SBF2: variants seen among roughly 807,000 people sequenced by gnomAD.
SBF2 encodes the protein SET binding factor 2.
In SBF2, 112 loss-of-function variants were observed where a neutral mutation model predicts 225.2. The ratio of observed to expected loss-of-function variants is 0.50; its 90% CI spans 0.43 to 0.58. SBF2 has a LOEUF of 0.58. Among genes scored for constraint, SBF2 ranks in the 20% least tolerant of loss-of-function variants. SBF2 has a pLI of 0.00. For synonymous variants in SBF2, 763 were observed against 773.3 expected (o/e 0.99, Z 0.22); for missense variants, 1,996 against 2,206.2 (o/e 0.90, Z 1.91).
intron 16 of SBF2, among the ~76,000 whole-genome samples, chr11:9,936,200 G>C (rs569563651): frequency 6.6e-6 from 1 of 152,272 alleles, no homozygotes; most frequent in Admixed American, 6.5e-5. Flanking sequence ...ACTTATGAAA[G>C]AATGCTCATC....
intron 17 of SBF2, among the ~76,000 whole-genome samples, chr11:9,877,578 G>A (rs1859367649): frequency 1.3e-5 from 2 of 151,936 alleles, no homozygotes; most frequent in South Asian, 4.2e-4. Context: ...CCCAGTGTGT[G>A]ACGTTCCCTG....
intron 12 of SBF2, among the ~76,000 whole-genome samples, chr11:9,990,127 C>A (rs1947359449): frequency 6.6e-6 from 1 of 151,694 alleles, no homozygotes; most frequent in Non-Finnish European, 1.5e-5. Flanking sequence ...ACTGGGAGAA[C>A]TGTGTGAGTC....
intron 28 of SBF2, chr11:9,828,599 T>C: frequency 1.0e-6 from 1 of 985,360 alleles, no homozygotes; most frequent in Non-Finnish European, 1.2e-6. Context: ...GGGTTACCTC[T>C]ACATGAACCC....
At chr11:9,936,460 C>A (rs1462009466) in intron 16 of SBF2, among the ~76,000 whole-genome samples, 1 of 152,144 alleles carries the variant, frequency 6.6e-6, no homozygotes, top group Admixed American at 6.5e-5. Flanking sequence ...TGGGTATATA[C>A]CCAAAGGATT....
At chr11:10,010,170 T>C (rs117427439) in intron 6 of SBF2, among the ~76,000 whole-genome samples, 5 of 152,106 alleles carry the variant, frequency 3.3e-5, no homozygotes, top group African/African-American at 1.2e-4. Context: ...AGATTGGAAA[T>C]ATTTTCTCGC....
At chr11:10,281,570 C>T (rs1963409687) in intron 1 of SBF2, among the ~76,000 whole-genome samples, 3 of 152,282 alleles carry the variant, frequency 2.0e-5, no homozygotes, top group Middle Eastern at 3.4e-3. Flanking sequence ...TCCAAACTCT[C>T]CAAACCCTTC....
At chr11:10,078,783 A>C (rs2134851216) in intron 2 of SBF2, among the ~76,000 whole-genome samples, 1 of 152,276 alleles carries the variant, frequency 6.6e-6, no homozygotes, top group South Asian at 2.1e-4. Context: ...TATAATAATA[A>C]AAAACAAATT....
intron 17 of SBF2, among the ~76,000 whole-genome samples, chr11:9,874,922 G>C (rs1340383930): frequency 6.6e-6 from 1 of 152,180 alleles, no homozygotes; most frequent in Non-Finnish European, 1.5e-5. Context: ...AGAGAAAGGA[G>C]ACCAACCTAT....
chr11:9,943,761 A>C (rs894518603), intron 16 of SBF2, among the ~76,000 whole-genome samples: 1 of 152,210 alleles, frequency 6.6e-6, no homozygotes, highest in African/African-American at 2.4e-5. Context: ...GAGGCAATAG[A>C]AACTCTCATA....
In SBF2 at chr11:10,020,096, T is replaced by C. The variant is rs1590771402; in HGVS notation, c.619+8356A>G. Reference sequence around the variant, plus strand: ...GTGATGGTCAGGTAAGTTGTTAAACTCTCTCTCTAAAATAATAATTGGTCA... The same window carrying C: ...GTGATGGTCAGGTAAGTTGTTAAACCCTCTCTCTAAAATAATAATTGGTCA... On this transcript the variant is annotated intron_variant, in intron 6 of 39. Coordinates refer to ENST00000256190, the MANE Select transcript of SBF2 (RefSeq NM_030962.4). Among the ~76,000 whole-genome samples, 5 of 152,120 alleles carry C rather than the reference T, an allele frequency of 3.3e-5. No homozygotes were observed. The South Asian group carries it at 8.3e-4, about 25-fold the overall frequency.
intron 1 of SBF2, among the ~76,000 whole-genome samples, chr11:10,258,035 T>C (rs1961022502): frequency 6.6e-6 from 1 of 150,834 alleles, no homozygotes; most frequent in South Asian, 2.1e-4. Context: ...ATTTTTAACA[T>C]GCCAATCCAA....
chr11:9,870,040 A>G (rs992957865), intron 17 of SBF2, among the ~76,000 whole-genome samples: 1 of 152,206 alleles, frequency 6.6e-6, no homozygotes, highest in East Asian at 1.9e-4. Context: ...AAAAATCAGT[A>G]GCATTCCTAT....
chr11:9,918,459 T>C (rs756132261), intron 16 of SBF2, among the ~76,000 whole-genome samples: 1 of 152,000 alleles, frequency 6.6e-6, no homozygotes, highest in East Asian at 1.9e-4. Context: ...GCTGAAGCCA[T>C]CCTCCCACCT....
chr11:10,167,178 A>G (rs16907528), intron 2 of SBF2, among the ~76,000 whole-genome samples: 14,634 of 152,216 alleles, frequency 0.096, 964 homozygotes, highest in East Asian at 0.28. Context: ...AATTATATAC[A>G]AATAGGTCAC....
At chr11:10,157,683 C>G (rs1297804929) in intron 2 of SBF2, among the ~76,000 whole-genome samples, 2 of 152,076 alleles carry the variant, frequency 1.3e-5, no homozygotes, top group Non-Finnish European at 2.9e-5. Context: ...TTATATATTA[C>G]AATGTAATAA....
At position 9,832,670 on chromosome 11, in the gene SBF2, G is replaced by T. The variant is rs1053403649; in HGVS notation, c.3456-250C>A. Among the ~76,000 whole-genome samples the T allele has an allele frequency of 2.6e-5, 4 of 151,906 alleles. No individual in the cohort carries two copies. The East Asian group carries it at 7.7e-4, about 29-fold the overall frequency. On this transcript the variant is annotated intron_variant, in intron 26 of 39. Transcript: ENST00000256190. ...TGTACAGGCTGGTTTCAAATTTTTG[G>T]GCTCAAGCGATCCTCCTTCCTCAGC...
chr11:9,940,781 T>TA (rs1263036406), intron 16 of SBF2, among the ~76,000 whole-genome samples: 1 of 151,440 alleles, frequency 6.6e-6, no homozygotes, highest in African/African-American at 2.4e-5. Context: ...GCCCAAGAAG[T>TA]AAAAAATAAT....
chr11:9,953,758 G>T (rs1196666391), intron 16 of SBF2, among the ~76,000 whole-genome samples: 1 of 152,014 alleles, frequency 6.6e-6, no homozygotes, highest in East Asian at 1.9e-4. Flanking sequence ...ATACATTAGA[G>T]ATTTTCTTTT....
chr11:9,871,649 G>C (rs1019996730), intron 17 of SBF2, among the ~76,000 whole-genome samples: 1 of 151,898 alleles, frequency 6.6e-6, no homozygotes, highest in African/African-American at 2.4e-5. Context: ...CCGCCACCAT[G>C]CTCAGCTAAT....
Sources: allele counts gnomAD v4.1 joint callset (sites outside exome capture counted in the v4.1 genomes callset), GRCh38; gene constraint gnomAD v4.1.1; transcripts MANE v1.5; gene names NCBI Gene and HGNC (gene_info 2026-07-23, HGNC 2026-07-21).